The following ISCU variants were observed in gnomAD, a reference collection of about 807,000 sequenced individuals.
ISCU encodes the protein iron-sulfur cluster assembly enzyme, also known as iron-sulfur cluster assembly enzyme ISCU.
A neutral mutation model predicts 18.4 loss-of-function variants in ISCU; 13 were observed. That is an observed-to-expected ratio of 0.71 (90% CI 0.46 to 1.12). The LOEUF (loss-of-function observed/expected upper bound fraction) is 1.12. ISCU is among the 50% of genes most tolerant of loss of function. ISCU has a pLI of 0.00. For synonymous variants in ISCU, 104 were observed against 87.5 expected, an observed-to-expected ratio of 1.19 and a Z score of -1.06; for missense variants, 229 against 208.7, an observed-to-expected ratio of 1.10 and a Z score of -0.60.
Position 108,562,658 on chromosome 12 carries a change from G to A in ISCU, c.36G>A (p.Ala12=), listed in dbSNP as rs765807941. The A allele has an allele frequency of 1.6e-5, 24 of 1,454,704 alleles. No homozygotes were observed. The highest frequency in any genetic ancestry group is 1.9e-5 in the Non-Finnish European group (21 of 1,109,224). The allele number at this position is 1,454,704 out of a possible 1,614,324, so 90.1% of individuals were successfully genotyped here. ...AAAGAFRLRR[A]ASALLLRSPR... is the part of the protein sequence containing the mutation. Reference sequence around the variant, plus strand: ...CTGGGGCTTTCCGTCTGAGGCGGGCGGCATCGGCTCTGCTGCTGCGGAGCC... The same window carrying A: ...CTGGGGCTTTCCGTCTGAGGCGGGCAGCATCGGCTCTGCTGCTGCGGAGCC... Residue 12 remains alanine, a synonymous_variant, in exon 1 of 5, where the codon GCG becomes GCA. Coordinates refer to ENST00000311893, the MANE Select transcript of ISCU (RefSeq NM_213595.4).
At chr12:108,565,197 T>C in intron 2 of ISCU, 124 bp from the exon 3 acceptor site, 1 of 735,860 alleles carries the variant, frequency 1.4e-6, no homozygotes, top group East Asian at 2.5e-5. Context: ...CAGTAATTAA[T>C]GCCATCACTT....
At chr12:108,562,502 T>C (rs1161977295), upstream of ISCU, 2 of 533,214 alleles carry the variant, frequency 3.8e-6, no homozygotes, top group Non-Finnish European at 6.1e-6. Flanking sequence ...CACGGAGCGG[T>C]AAAGCGCAGG....
At position 108,562,636 on chromosome 12, in the gene ISCU, G is replaced by C. The variant is rs587780954; in HGVS notation, c.14G>C (p.Gly5Ala). The C allele has an allele frequency of 1.8e-5, 26 of 1,479,540 alleles. No homozygotes were observed. Among genetic ancestry groups the C allele is most frequent in the African/African-American group, 7.3e-5 (5 of 68,682 alleles). The allele number at this position is 1,479,540 out of a possible 1,614,324, so 91.7% of individuals were successfully genotyped here. A position where few individuals can be genotyped will look rare whatever the true frequency, so the allele number is the denominator to read the frequency against. Reference protein sequence around the residue: MAAAGAFRLRRAASA... With the variant: MAAAAAFRLRRAASA... ...CAAGCCGGCAAGATGGCGGCGGCTG[G>C]GGCTTTCCGTCTGAGGCGGGCGGCA... The change falls in exon 1 of 5, where the codon GGG becomes GCG. Residue 5 changes from glycine to alanine, a missense_variant. Gly to Ala is a moderately conservative substitution (Grantham distance 60, BLOSUM62 0). Transcript: ENST00000311893.
upstream of ISCU, among the ~76,000 whole-genome samples, chr12:108,561,691 T>TA (rs1163680707): frequency 6.6e-6 from 1 of 152,220 alleles, no homozygotes; most frequent in Non-Finnish European, 1.5e-5. Flanking sequence ...TAGTAGACGT[T>TA]AAATACACGT....
chr12:108,561,882 T>C (rs1229505159), upstream of ISCU, among the ~76,000 whole-genome samples: 1 of 152,246 alleles, frequency 6.6e-6, no homozygotes, highest in Non-Finnish European at 1.5e-5. Context: ...CGTTTCCTTC[T>C]TAAGCTTCCC....
chr12:108,567,214 AAC>A lies in ISCU; in HGVS notation c.368_369del (p.Thr123ArgfsTer20). 1.9e-6 allele frequency: 3 copies of A among 1,614,082 alleles called. No individual in the cohort carries two copies. The highest frequency in any genetic ancestry group is 2.5e-6 in the Non-Finnish European group (3 of 1,179,972). On this transcript the variant is annotated frameshift_variant, in exon 4 of 5. Transcript: ENST00000311893. LOFTEE classifies it high-confidence loss of function. The part of the protein sequence containing the change: ...KTVEEALTIK[N>X]TDIAKELCLP... ...GGTGGAGGAAGCCTTGACTATCAAA[AAC>A]ACAGATATCGCCAAGGAGCTCTGCC...
Position 108,567,463 on chromosome 12 carries a change from A to G in ISCU, c.418+195A>G, listed in dbSNP as rs1463717460. ...TCATCCCTAAGAGAATCATGCCAGA[A>G]GGAGGTATGCACCAGCCATCATACT... is the stretch of plus-strand genomic sequence containing the variant. On this transcript the variant is annotated intron_variant, in intron 4 of 4. Coordinates refer to ENST00000311893, the MANE Select transcript of ISCU (RefSeq NM_213595.4). The G allele has an allele frequency of 1.1e-5, 8 of 720,798 alleles. No homozygotes were observed. In the African/African-American group the frequency reaches 1.2e-4, roughly 11 times the overall value. The allele number at this position is 720,798 out of a possible 1,614,324, so 44.7% of individuals were successfully genotyped here.
chr12:108,567,833 C>A, intron 4 of ISCU: 1 of 1,508,012 alleles, frequency 6.6e-7, no homozygotes, highest in Non-Finnish European at 8.9e-7. Flanking sequence ...AAAAAAAGCC[C>A]AGATGCCTTA....
At chr12:108,566,060 A>T (rs1210982386) in intron 3 of ISCU, among the ~76,000 whole-genome samples, 3 of 152,248 alleles carry the variant, frequency 2.0e-5, no homozygotes, top group Non-Finnish European at 2.9e-5. Flanking sequence ...ACTTTCTAAA[A>T]TCCAGTTGCT....
chr12:108,561,465 T>C (rs1032644070), upstream of ISCU: 14 of 353,182 alleles, frequency 4.0e-5, no homozygotes, highest in South Asian at 3.5e-4. Flanking sequence ...ATGTCTGTAG[T>C]GAAGAATTTG....
chr12:108,568,287 A>C, intron 4 of ISCU: 2 of 1,128,890 alleles, frequency 1.8e-6, no homozygotes, highest in East Asian at 5.1e-5. Flanking sequence ...TATTTTCCCC[A>C]TAGCCTCACT....
chr12:108,562,333 A>G (rs1404609277), upstream of ISCU, among the ~76,000 whole-genome samples: 2 of 145,418 alleles, frequency 1.4e-5, no homozygotes, highest in Non-Finnish European at 3.0e-5. Context: ...GGATTTGTGA[A>G]AGCGAACTTG....
At chr12:108,565,129 G>C in intron 2 of ISCU, 192 bp from the exon 3 acceptor site, 1 of 606,626 alleles carries the variant, frequency 1.6e-6, no homozygotes, top group South Asian at 2.0e-5. Context: ...AGTTGGGCCT[G>C]GATAGTTGTC....
chr12:108,563,516 A>G (rs12308779), intron 1 of ISCU: 7,331 of 165,584 alleles, frequency 0.044, 583 homozygotes, highest in African/African-American at 0.17. Flanking sequence ...AGATGGGGGG[A>G]AAAGGGGACT....
Position 108,564,424 on chromosome 12 carries a change from A to AT in ISCU, c.228+33dup, listed in dbSNP as rs759918423. 1.6e-5 allele frequency: 23 copies of AT among 1,424,570 alleles called. No homozygotes were observed. In the East Asian group the frequency reaches 5.0e-4, roughly 31 times the overall value. The allele number at this position is 1,424,570 out of a possible 1,614,324, so 88.2% of individuals were successfully genotyped here. A position where few individuals can be genotyped will look rare whatever the true frequency, so the allele number is the denominator to read the frequency against. On this transcript the variant is annotated intron_variant, in intron 2 of 4. Coordinates refer to ENST00000311893, the MANE Select transcript of ISCU (RefSeq NM_213595.4). ...CTAGTCTTTTTTAATAGTGATAACAATAATCCCTTTAAGTTTACAAAGCAC... is the reference window on the plus strand; with the variant it reads ...CTAGTCTTTTTTAATAGTGATAACAATTAATCCCTTTAAGTTTACAAAGCAC...
At chr12:108,565,103 T>G (rs1033598369) in intron 2 of ISCU, 28 of 579,294 alleles carry the variant, frequency 4.8e-5, no homozygotes, top group African/African-American at 4.7e-4. Context: ...GACATATTTT[T>G]CAGCTGATCT....
chr12:108,565,518 C>A (rs1444441101), intron 3 of ISCU, 87 bp downstream of exon 3: 1 of 825,554 alleles, frequency 1.2e-6, no homozygotes, highest in Non-Finnish European at 2.1e-6. Context: ...TTCTCCTATG[C>A]AGATGTTGAT....
At chr12:108,566,854 G>A (rs1832914994) in intron 3 of ISCU, among the ~76,000 whole-genome samples, 1 of 152,170 alleles carries the variant, frequency 6.6e-6, no homozygotes, top group African/African-American at 2.4e-5. Flanking sequence ...AACCAGCATA[G>A]GAAATCACTA....
intron 4 of ISCU, chr12:108,568,004 G>C (rs1446111165): frequency 1.9e-5 from 29 of 1,531,082 alleles, no homozygotes; most frequent in Non-Finnish European, 2.4e-5. Flanking sequence ...AGAGAGTCAG[G>C]CCTCTTGCCA....
Sources: gnomAD v4.1 joint callset for allele counts (sites outside exome capture counted in the v4.1 genomes callset) on GRCh38, gnomAD v4.1.1 for gene constraint, MANE v1.5 for transcripts, NCBI Gene and HGNC (gene_info 2026-07-23, HGNC 2026-07-21) for gene names.